Variants in CIZ1 observed in about 807,000 individuals in gnomAD.
The protein encoded by CIZ1 is cip1-interacting zinc finger protein.
Under a neutral mutation model 118.6 loss-of-function variants are expected in CIZ1, and 58 were observed. The ratio of observed to expected loss-of-function variants is 0.49; its 90% CI spans 0.40 to 0.61. CIZ1 has a LOEUF of 0.61. Among genes scored for constraint, CIZ1 ranks in the 20% least tolerant of loss-of-function variants. The pLI is 0.00. For missense variants in CIZ1, 921 were observed against 1,115.9 expected (o/e 0.83, Z 2.49); for synonymous variants, 448 against 443.4 (o/e 1.01, Z -0.13).
At chr9:128,196,914 A>C (rs913098921) in intron 1 of CIZ1, 1 of 152,170 alleles carries the variant, frequency 6.6e-6, no homozygotes, top group Non-Finnish European at 1.5e-5. Flanking sequence ...GAATGTCTCT[A>C]TTTATTCAAG....
chr9:128,200,888 C>T (rs1390121614), intron 1 of CIZ1, among the ~76,000 whole-genome samples: 1 of 151,750 alleles, frequency 6.6e-6, no homozygotes, highest in Non-Finnish European at 1.5e-5. Context: ...GTAATCCCAA[C>T]ACTTTGGGAG....
chr9:128,187,807 C>G, intron 4 of CIZ1, 56 bp downstream of exon 4: 1 of 440,114 alleles, frequency 2.3e-6, no homozygotes, highest in Admixed American at 3.8e-5. Flanking sequence ...TTTTGCCAAC[C>G]AACTTAATTA....
upstream of CIZ1, chr9:128,191,988 T>C (rs1833207256): frequency 1.6e-6 from 2 of 1,264,382 alleles, no homozygotes; most frequent in South Asian, 3.7e-5. This position sits in a 1 kb window ranked among gnomAD's most constrained non-coding sequence, Gnocchi z 5.5. Flanking sequence ...GGTCTTACAG[T>C]CCGTCAGGAG....
rs1254460708 is a variant in CIZ1, at chr9:128,182,716, C to A, written c.589-1902G>T. ...GCCTTCACTTAGAGCCTCAGAAGCA[C>A]TTCTTGCAGGAAGCCCTCCAGACTC... On this transcript the variant is annotated intron_variant, in intron 5 of 16. Coordinates refer to ENST00000372938, the MANE Select transcript of CIZ1 (RefSeq NM_001131016.2). 2.6e-5 allele frequency among the ~76,000 whole-genome samples: 4 copies of A among 152,188 alleles called. 1 individual carries two copies.
chr9:128,191,653 G>C, upstream of CIZ1: 1 of 1,243,880 alleles, frequency 8.0e-7, no homozygotes, highest in Non-Finnish European at 1.0e-6. This position sits in a 1 kb window ranked among gnomAD's most constrained non-coding sequence, Gnocchi z 5.5. Context: ...CGCCACCCGA[G>C]CCCGCCCAGT....
chr9:128,190,253 G>T, intron 3 of CIZ1, 76 bp downstream of exon 3: 1 of 1,029,048 alleles, frequency 9.7e-7, no homozygotes, highest in Non-Finnish European at 1.5e-6. Context: ...GCTGTGTGGA[G>T]TTGAGATTTA....
At chr9:128,195,328 G>GT (rs966494059), upstream of CIZ1, among the ~76,000 whole-genome samples, 4 of 151,874 alleles carry the variant, frequency 2.6e-5, no homozygotes, top group African/African-American at 4.8e-5. Context: ...GTTTTGTTTT[G>GT]TTTTTTTGAG....
intron 10 of CIZ1, 112 bp downstream of exon 10, chr9:128,177,454 T>A: frequency 1.4e-6 from 1 of 719,274 alleles, no homozygotes; most frequent in Non-Finnish European, 2.1e-6. Flanking sequence ...CCCAAGCAAA[T>A]GCATGGCTGC....
chr9:128,169,463 G>A lies in CIZ1; in HGVS notation c.2088C>T (p.Thr696=). The change falls in exon 13 of 17, where the codon ACC becomes ACT. Residue 696 remains threonine, a synonymous_variant. Coordinates refer to ENST00000372938, the MANE Select transcript of CIZ1 (RefSeq NM_001131016.2). ...FCTVCNRYFK[T]PRKFVEHVKS... ...TCACGTGCTCCACAAACTTGCGAGG[G>A]GTTTTGAAGTAGCGGTTGCAAACGG... 1.2e-6 allele frequency: 2 copies of A among 1,614,170 alleles called. 1 individual carries two copies.
In CIZ1 at chr9:128,178,393, T is replaced by C. The variant is rs1831139938; in HGVS notation, c.1596A>G (p.Glu532=). The C allele has an allele frequency of 6.2e-7, 1 of 1,613,798 alleles. No homozygotes were observed. Among genetic ancestry groups the C allele is most frequent in the South Asian group, 1.1e-5 (1 of 91,076 alleles). ...CCCCTGGCATCTCTCTCGCTCTGTT[T>C]TCACATTCTCCCACATCTAGGCCAC... is the stretch of plus-strand genomic sequence containing the variant. ...SACGLDVGEC[E]NRAREMPGVW... is the part of the protein sequence containing the mutation. The change falls in exon 9 of 17, where the codon GAA becomes GAG. Residue 532 remains glutamate (E), a synonymous_variant. Transcript: ENST00000372938.
chr9:128,186,570 C>T (rs1157794712), intron 4 of CIZ1, among the ~76,000 whole-genome samples: 1 of 152,178 alleles, frequency 6.6e-6, no homozygotes, highest in East Asian at 1.9e-4. Context: ...CGATCTTTCG[C>T]AAACCATATT....
rs114145229 is a variant in CIZ1 at position 128,176,301 on chromosome 9, G to A, written c.1943+50C>T. The A allele has an allele frequency of 2.8e-4, 452 of 1,599,122 alleles. 1 individual carries two copies. In the African/African-American group the frequency reaches 4.6e-3, roughly 16 times the overall value. The stretch of plus-strand genomic sequence containing the variant: ...CAGATGGTAGATTCAGGCCCTGGCC[G>A]ATGAGACTGCCTACCCCCCAACACA... On this transcript the variant is annotated intron_variant, in intron 11 of 16. Transcript: ENST00000372938.
chr9:128,195,552 A>T (rs1833356732), upstream of CIZ1, among the ~76,000 whole-genome samples: 1 of 152,058 alleles, frequency 6.6e-6, no homozygotes, highest in South Asian at 2.1e-4. Flanking sequence ...TCCTGATCTC[A>T]AGTGATCTAC....
In CIZ1 at chr9:128,166,810, T is replaced by C; in HGVS notation, c.2436A>G (p.Ser812=). 6.2e-7 allele frequency: 1 copy of C among 1,614,070 alleles called. No homozygotes were observed. Among genetic ancestry groups the C allele is most frequent in the Non-Finnish European group, 8.5e-7 (1 of 1,179,902 alleles). The change falls in exon 16 of 17, where the codon TCA becomes TCG. Residue 812 remains serine (S), a synonymous_variant. Coordinates refer to ENST00000372938, the MANE Select transcript of CIZ1 (RefSeq NM_001131016.2). This position sits in a 1 kb window ranked among gnomAD's most constrained non-coding sequence, Gnocchi z 4.4. ...RICHKFYHSN[S]GAQLSHCKSL... is the part of the protein sequence containing the mutation. ...ACTTGCAGTGGGAGAGCTGTGCCCC[T>C]GAGTTGCTGTGATAGAACTTGTGGC... is the stretch of plus-strand genomic sequence containing the variant.
chr9:128,173,912 A>T (rs1830507070), intron 11 of CIZ1, among the ~76,000 whole-genome samples: 1 of 152,072 alleles, frequency 6.6e-6, no homozygotes, highest in South Asian at 2.1e-4. Flanking sequence ...AGGCGGAGGC[A>T]GGAGAATGGC....
At chr9:128,191,846 C>A, upstream of CIZ1, 1 of 1,480,338 alleles carries the variant, frequency 6.8e-7, no homozygotes. This position sits in a 1 kb window ranked among gnomAD's most constrained non-coding sequence, Gnocchi z 5.5. Context: ...CTTCCTGTTC[C>A]CAACCCACCT....
At chr9:128,188,298 T>G (rs1046831534) in intron 3 of CIZ1, among the ~76,000 whole-genome samples, 1 of 152,158 alleles carries the variant, frequency 6.6e-6, no homozygotes, top group African/African-American at 2.4e-5. Context: ...CTGGGACTTA[T>G]ATCAATCACA....
intron 5 of CIZ1, among the ~76,000 whole-genome samples, chr9:128,181,911 G>A (rs1564281898): frequency 6.6e-6 from 1 of 152,228 alleles, no homozygotes; most frequent in Non-Finnish European, 1.5e-5. Flanking sequence ...TGCTTCAGTG[G>A]TCACGCTCCT....
rs761849201 is a variant in CIZ1 at position 128,185,554 on chromosome 9, T to C, written c.581A>G (p.Asn194Ser). The C allele has an allele frequency of 1.4e-6, 2 of 1,461,798 alleles. No homozygotes were observed. The highest frequency in any genetic ancestry group is 2.4e-5 in the East Asian group (1 of 41,830). The allele number at this position is 1,461,798 out of a possible 1,614,324, so 90.6% of individuals were successfully genotyped here. Residue 194 changes from asparagine (N) to serine (S), a missense_variant, in exon 5 of 17, where the codon AAT becomes AGT. Transcript: ENST00000372938. ...QARTSSSTTP[N>S]RKDSSSQTMP... is the part of the protein sequence containing the mutation. ...TCCCCACCTACCACTCACCTTTCGATTGGGGGTGGTAGAGGAGGAGGTCCG... is the reference window on the plus strand; with the variant it reads ...TCCCCACCTACCACTCACCTTTCGACTGGGGGTGGTAGAGGAGGAGGTCCG...
Sources: gnomAD v4.1 joint callset for allele counts (sites outside exome capture counted in the v4.1 genomes callset) on GRCh38, gnomAD v4.1.1 for gene constraint, Gnocchi (gnomAD v3.1) non-coding constraint, MANE v1.5 for transcripts, NCBI Gene and HGNC (gene_info 2026-07-23, HGNC 2026-07-21) for gene names.